The following RIPK4 variants were observed in gnomAD, a reference collection of about 807,000 sequenced individuals.
RIPK4 encodes receptor-interacting serine/threonine-protein kinase 4.
RIPK4 carries 17 observed loss-of-function variants against 42.9 expected under a neutral mutation model. The observed-to-expected ratio is 0.40, with a 90% CI of 0.27 to 0.59. RIPK4 has a LOEUF of 0.59. Among genes scored for constraint, RIPK4 ranks in the 20% least tolerant of loss-of-function variants. The pLI, the probability that RIPK4 is intolerant of heterozygous loss-of-function variation, is 0.47. For synonymous variants in RIPK4, 498 were observed against 499.1 expected (o/e 1.00, Z 0.03); for missense variants, 897 against 1,104.4 (o/e 0.81, Z 2.66).
chr21:41,752,675 G>A (rs773184499), intron 2 of RIPK4, among the ~76,000 whole-genome samples: 2 of 152,166 alleles, frequency 1.3e-5, no homozygotes, highest in East Asian at 1.9e-4. Flanking sequence ...ACACAACAAC[G>A]GGTCCTAACT....
At chr21:41,758,856 G>A (rs2061212655) in intron 1 of RIPK4, among the ~76,000 whole-genome samples, 1 of 152,230 alleles carries the variant, frequency 6.6e-6, no homozygotes, top group South Asian at 2.1e-4. Flanking sequence ...GGTGCAGCCT[G>A]TGTTTTCACA....
intron 1 of RIPK4, among the ~76,000 whole-genome samples, chr21:41,760,837 GAAGC>G (rs2061218369): frequency 1.3e-5 from 2 of 152,200 alleles, no homozygotes; most frequent in Admixed American, 1.3e-4. Context: ...GGGAACAAGT[GAAGC>G]AAGTATCAGG....
At chr21:41,762,540 G>A (rs1002375700) in intron 1 of RIPK4, among the ~76,000 whole-genome samples, 11 of 152,158 alleles carry the variant, frequency 7.2e-5, no homozygotes, top group Admixed American at 2.6e-4. Context: ...GTCGCCCGGC[G>A]GCATTTGCAA....
intron 2 of RIPK4, among the ~76,000 whole-genome samples, chr21:41,754,256 C>T (rs569227262): frequency 9.8e-5 from 15 of 152,288 alleles, no homozygotes; most frequent in African/African-American, 3.6e-4. Flanking sequence ...CTCAGAACCC[C>T]GACACACACT....
intron 3 of RIPK4, among the ~76,000 whole-genome samples, chr21:41,749,840 C>T (rs2061183098): frequency 7.1e-6 from 1 of 140,678 alleles, no homozygotes; most frequent in South Asian, 2.2e-4. Context: ...ATGAGGGATA[C>T]GTTCATGTAC....
chr21:41,744,672 C>T (rs1017433531), intron 6 of RIPK4, among the ~76,000 whole-genome samples: 8 of 152,198 alleles, frequency 5.3e-5, no homozygotes, highest in East Asian at 1.9e-4. Context: ...CACAGCTGCC[C>T]AGCACAGGCC....
intron 7 of RIPK4, among the ~76,000 whole-genome samples, 199 bp downstream of exon 7, chr21:41,743,683 C>T (rs559649924): frequency 2.6e-5 from 4 of 152,316 alleles, no homozygotes; most frequent in Admixed American, 2.0e-4. Flanking sequence ...TGGCCTGTTC[C>T]CCACACATGC....
intron 1 of RIPK4, 26 bp downstream of exon 1, chr21:41,766,834 C>T (rs2061238743): frequency 6.3e-7 from 1 of 1,595,200 alleles, no homozygotes; most frequent in South Asian, 1.1e-5. Context: ...CCCCAGCCGC[C>T]CCAGCGCCCC....
At position 41,766,910 on chromosome 21, in the gene RIPK4, C is replaced by A; in HGVS notation, c.132G>T (p.Trp44Cys). The A allele has an allele frequency of 6.2e-7, 1 of 1,610,922 alleles. No homozygotes were observed. The highest frequency in any genetic ancestry group is 8.5e-7 in the Non-Finnish European group (1 of 1,178,944). The change falls in exon 1 of 8, where the codon TGG (tryptophan) becomes TGT (cysteine). Residue 44 changes from tryptophan (W) to cysteine (C), a missense_variant. Physicochemically the swap from Trp to Cys is radical, Grantham distance 215. Transcript: ENST00000332512. ...GQVYKVRHVH[W>C]KTWLAIKCSP... The stretch of plus-strand genomic sequence containing the variant: ...AGCACTTGATGGCCAGCCAGGTCTT[C>A]CAGTGGACATGGCGCACCTTGTACA...
intron 1 of RIPK4, among the ~76,000 whole-genome samples, chr21:41,758,041 T>TATATATATATAGAGAGAG (rs1452050960): frequency 5.1e-5 from 3 of 58,514 alleles, no homozygotes; most frequent in African/African-American, 1.0e-4. Flanking sequence ...TATATATATA[T>TATATATATATAGAGAGAG]AGAGAGAGAG....
rs2061162589 is a variant in RIPK4 at position 41,744,031 on chromosome 21, C to A, written c.1046G>T (p.Gly349Val). ...GGAGCTGCGGCTGAGCTCCTCGGGG[C>A]CCTCGACAGCCTGGGAAACTCCAGA... ...LDSGVSQAVEGPEELSRSSSE... is the reference protein window; with the variant it reads ...LDSGVSQAVEVPEELSRSSSE... The change falls in exon 7 of 8, where the codon GGC (glycine) becomes GTC (valine). Residue 349 changes from glycine to valine, a missense_variant. Physicochemically the swap from Gly to Val is moderately radical, Grantham distance 109 (BLOSUM62 -3). Transcript: ENST00000332512. 1 of 1,613,146 alleles carries A rather than the reference C, an allele frequency of 6.2e-7. No homozygotes were observed.
intron 6 of RIPK4, among the ~76,000 whole-genome samples, chr21:41,745,404 C>A (rs144659063): frequency 6.5e-4 from 99 of 152,318 alleles, no homozygotes; most frequent in African/African-American, 2.3e-3. Flanking sequence ...TATAAAGGAA[C>A]TGGATCCCCG....
At chr21:41,745,729 C>A (rs540850130) in intron 6 of RIPK4, 30 bp downstream of exon 6, 1 of 1,564,276 alleles carries the variant, frequency 6.4e-7, no homozygotes, top group East Asian at 2.2e-5. Context: ...GCCGAGGAGA[C>A]AAAAGACCCC....
rs200747405 is a variant in RIPK4, at chr21:41,745,830, T to C, written c.865A>G (p.Lys289Glu). ...GTTTCTTTCACTTCGTCATCAGGCT[T>C]TTCACACAGGTCCTCGGTTTCAGAA... is the stretch of plus-strand genomic sequence containing the variant. ...ITSETEDLCE[K>E]PDDEVKETAH... The change falls in exon 6 of 8, where the codon AAG (lysine) becomes GAG (glutamate). Residue 289 changes from lysine (K) to glutamate (E), a missense_variant. Lys to Glu is a moderately conservative substitution (Grantham distance 56, BLOSUM62 1). Coordinates refer to ENST00000332512, the MANE Select transcript of RIPK4 (RefSeq NM_020639.3). 10 of 1,614,196 alleles carry C rather than the reference T, an allele frequency of 6.2e-6. No individual in the cohort carries two copies. Among genetic ancestry groups the C allele is most frequent in the Non-Finnish European group, 7.6e-6 (9 of 1,180,018 alleles).
chr21:41,754,004 A>AC (rs2061195749), intron 2 of RIPK4, among the ~76,000 whole-genome samples: 1 of 152,214 alleles, frequency 6.6e-6, no homozygotes, highest in African/African-American at 2.4e-5. Flanking sequence ...ATTTACATTT[A>AC]ACTGCTTCAT....
Position 41,763,861 on chromosome 21 carries a change from T to A in RIPK4, c.182+2999A>T, listed in dbSNP as rs567577379. Reference sequence around the variant, plus strand: ...CGCAGGCACTGGCTTCTTCTGAGCATCCCCTTAGCTGGGGGCTGGTAGGGG... The same window carrying A: ...CGCAGGCACTGGCTTCTTCTGAGCAACCCCTTAGCTGGGGGCTGGTAGGGG... On this transcript the variant is annotated intron_variant, in intron 1 of 7. Coordinates refer to ENST00000332512, the MANE Select transcript of RIPK4 (RefSeq NM_020639.3). Among the ~76,000 whole-genome samples the A allele has an allele frequency of 3.8e-4, 58 of 152,140 alleles. 2 individuals are homozygous for A. The highest frequency in any genetic ancestry group is 4.8e-5 in the African/African-American group (2 of 41,430).
In RIPK4 at chr21:41,743,967, C is replaced by G. The variant is rs1350065455; in HGVS notation, c.1110G>C (p.Arg370Ser). ...SKLPSSGSGKRLSGVSSVDSA... is the reference protein window; with the variant it reads ...SKLPSSGSGKSLSGVSSVDSA... ...AGTCCACCGAGGACACCCCCGAGAG[C>G]CTCTTCCCACTGCCGGACGATGGCA... The change falls in exon 7 of 8, where the codon AGG (arginine) becomes AGC (serine). Residue 370 changes from arginine to serine, a missense_variant. Arg to Ser is a moderately radical substitution (Grantham distance 110). Transcript: ENST00000332512. 1 of 1,613,496 alleles carries G rather than the reference C, an allele frequency of 6.2e-7. No individual in the cohort carries two copies. Among genetic ancestry groups the G allele is most frequent in the Non-Finnish European group, 8.5e-7 (1 of 1,180,020 alleles).
chr21:41,749,227 A>G (rs750216838), intron 3 of RIPK4, 24 bp from the exon 4 acceptor site: 15 of 1,613,382 alleles, frequency 9.3e-6, no homozygotes, highest in Non-Finnish European at 1.3e-5. Flanking sequence ...CAGGCACGTT[A>G]GCATCTGACA....
At chr21:41,759,418 C>T (rs547173124) in intron 1 of RIPK4, among the ~76,000 whole-genome samples, 47 of 152,254 alleles carry the variant, frequency 3.1e-4, no homozygotes, top group African/African-American at 1.1e-3. Context: ...ATATAATAAG[C>T]TCCCTAAAGG....
Sources: gnomAD v4.1 joint callset for allele counts (sites outside exome capture counted in the v4.1 genomes callset) on GRCh38, gnomAD v4.1.1 for gene constraint, MANE v1.5 for transcripts, NCBI Gene and HGNC (gene_info 2026-07-23, HGNC 2026-07-21) for gene names.